The following SDC2 variants were observed in gnomAD, a reference collection of about 807,000 sequenced individuals.
SDC2 encodes the protein syndecan 2.
Under a neutral mutation model 22.2 loss-of-function variants are expected in SDC2, and 13 were observed. That is an observed-to-expected ratio of 0.59 (90% CI 0.38 to 0.93). SDC2 has a LOEUF of 0.93. SDC2 is among the 40% of genes least tolerant of loss of function. The probability of loss-of-function intolerance (pLI) is 0.00; values close to 1 mark genes in which losing one functional copy is unlikely to be tolerated. For synonymous variants in SDC2, 94 were observed against 92.8 expected (o/e 1.01, Z -0.07); for missense variants, 235 against 246.8 (o/e 0.95, Z 0.32).
At chr8:96,516,851 C>A (rs2130450652) in intron 1 of SDC2, among the ~76,000 whole-genome samples, 1 of 152,272 alleles carries the variant, frequency 6.6e-6, no homozygotes, top group Non-Finnish European at 1.5e-5. Flanking sequence ...TGGGTTGTTT[C>A]AACCTTTTGG....
intron 3 of SDC2, among the ~76,000 whole-genome samples, chr8:96,605,865 T>C (rs974714213): frequency 4.6e-5 from 7 of 152,142 alleles, no homozygotes; most frequent in Non-Finnish European, 7.4e-5. Flanking sequence ...GGCCTTAAGG[T>C]GCAGAAAAGA....
rs146117969 is a variant in SDC2, at chr8:96,581,761, C to G, written c.61-11719C>G. ...GCAGCACGGGAGTGGATTAGGTTAC[C>G]TTTTGGATTTTTGAGGGCTTTGGCC... On this transcript the variant is annotated intron_variant, in intron 1 of 4. Transcript: ENST00000302190. Among the ~76,000 whole-genome samples the G allele has an allele frequency of 9.1e-4, 139 of 152,166 alleles. No individual in the cohort carries two copies. The Middle Eastern group carries it at 0.014, about 15-fold the overall frequency.
chr8:96,607,874 A>T (rs1198621760), intron 3 of SDC2, among the ~76,000 whole-genome samples: 5 of 152,238 alleles, frequency 3.3e-5, no homozygotes, highest in African/African-American at 1.2e-4. Context: ...CAGAGTGGGG[A>T]CAGGAAAAGC....
At chr8:96,608,032 G>A (rs752458282) in intron 3 of SDC2, among the ~76,000 whole-genome samples, 4 of 152,142 alleles carry the variant, frequency 2.6e-5, no homozygotes, top group Non-Finnish European at 5.9e-5. Flanking sequence ...GAAGAGTGGT[G>A]AGAAAGTAGA....
rs1814578084 is a variant in SDC2 at position 96,580,868 on chromosome 8, GATTTTTATAAAATAGTGTTGA to G, written c.61-12607_61-12587del. Among the ~76,000 whole-genome samples the G allele has an allele frequency of 2.0e-5, 3 of 152,266 alleles. No individual in the cohort carries two copies. The South Asian group carries it at 6.2e-4, about 32-fold the overall frequency. On this transcript the variant is annotated intron_variant, in intron 1 of 4. Transcript: ENST00000302190. ...AATTGAATATCCTAGAGAGTATGGG[GATTTTTATAAAATAGTGTTGA>G]ATTTAGCATCACTTTTCATTTAGCA...
At chr8:96,553,378 C>A (rs892033317) in intron 1 of SDC2, among the ~76,000 whole-genome samples, 3 of 151,436 alleles carry the variant, frequency 2.0e-5, no homozygotes, top group Non-Finnish European at 2.9e-5. Context: ...TTTGAAGATA[C>A]CTACAGCATA....
intron 1 of SDC2, among the ~76,000 whole-genome samples, chr8:96,501,299 T>C (rs981982974): frequency 1.2e-4 from 15 of 124,330 alleles, no homozygotes; most frequent in African/African-American, 3.9e-4. Context: ...GTATTTCTTT[T>C]TTTTTTTTTT....
Position 96,593,558 on chromosome 8 carries a change from G to A in SDC2, c.139G>A (p.Asp47Asn). 2 of 1,613,840 alleles carry A rather than the reference G, an allele frequency of 1.2e-6. No individual in the cohort carries two copies. Among genetic ancestry groups the A allele is most frequent in the Non-Finnish European group, 1.7e-6 (2 of 1,179,732 alleles). ...IEEASGVYPI[D>N]DDDYASASGS... ...AGAAGCTTCAGGAGTGTATCCTATT[G>A]ATGACGATGACTACGCTTCTGCGTC... The change falls in exon 2 of 5, where the codon GAT (aspartate) becomes AAT (asparagine). Residue 47 changes from aspartate (D) to asparagine (N), a missense_variant. Asp to Asn is a conservative substitution (Grantham distance 23). Coordinates refer to ENST00000302190, the MANE Select transcript of SDC2 (RefSeq NM_002998.4).
chr8:96,607,277 C>T (rs1815097314), intron 3 of SDC2, among the ~76,000 whole-genome samples: 1 of 152,174 alleles, frequency 6.6e-6, no homozygotes, highest in Non-Finnish European at 1.5e-5. Context: ...AGCTACCCAA[C>T]ACCTGCAGTT....
At chr8:96,607,828 G>T (rs1236984205) in intron 3 of SDC2, among the ~76,000 whole-genome samples, 2 of 152,178 alleles carry the variant, frequency 1.3e-5, no homozygotes, top group Admixed American at 6.5e-5. Flanking sequence ...TAACTAGGGG[G>T]AAGCATTAGG....
chr8:96,539,317 T>C (rs1813808048), intron 1 of SDC2, among the ~76,000 whole-genome samples: 1 of 152,212 alleles, frequency 6.6e-6, no homozygotes, highest in African/African-American at 2.4e-5. Flanking sequence ...TATAAAATTA[T>C]TTTCTTCAAA....
At chr8:96,546,916 A>AT (rs747782651) in intron 1 of SDC2, among the ~76,000 whole-genome samples, 1 of 152,228 alleles carries the variant, frequency 6.6e-6, no homozygotes, top group Non-Finnish European at 1.5e-5. Flanking sequence ...TTTTGTCTGA[A>AT]TTTCCATGTA....
chr8:96,596,684 G>C (rs932807617), intron 2 of SDC2, among the ~76,000 whole-genome samples: 1 of 152,222 alleles, frequency 6.6e-6, no homozygotes, highest in Non-Finnish European at 1.5e-5. Flanking sequence ...TAGACCTTTG[G>C]TTAAAGATGG....
At position 96,493,979 on chromosome 8, in the gene SDC2, GA is replaced by G. The variant is rs1813003272; in HGVS notation, c.-291del. Reference sequence around the variant, plus strand: ...GAGGAGCAAAACCACAGCAGAGCAAGAAGAGCTTCAGAGAGCAGCCTTCCCG... The same window carrying G: ...GAGGAGCAAAACCACAGCAGAGCAAGAGAGCTTCAGAGAGCAGCCTTCCCG... On this transcript the variant is annotated 5_prime_UTR_variant, in exon 1 of 5. Transcript: ENST00000302190. The G allele has an allele frequency of 2.1e-6, 1 of 484,300 alleles. No homozygotes were observed. Among genetic ancestry groups the G allele is most frequent in the Non-Finnish European group, 3.6e-6 (1 of 277,596 alleles). 30.0% of individuals were successfully genotyped at this position (484,300 alleles called of 1,614,324 possible). A position where few individuals can be genotyped will look rare whatever the true frequency, so the allele number is the denominator to read the frequency against.
At chr8:96,563,475 T>C (rs1814245849) in intron 1 of SDC2, among the ~76,000 whole-genome samples, 1 of 152,196 alleles carries the variant, frequency 6.6e-6, no homozygotes, top group Admixed American at 6.5e-5. Context: ...TTTTCCACTT[T>C]TATGTCTTTG....
intron 1 of SDC2, among the ~76,000 whole-genome samples, chr8:96,520,609 A>T (rs1813481820): frequency 1.3e-5 from 2 of 152,210 alleles, no homozygotes; most frequent in Admixed American, 1.3e-4. Flanking sequence ...CAAAACAGAG[A>T]AACCCATTGG....
chr8:96,517,221 T>C (rs1301824226), intron 1 of SDC2, among the ~76,000 whole-genome samples: 1 of 152,224 alleles, frequency 6.6e-6, no homozygotes, highest in African/African-American at 2.4e-5. Flanking sequence ...GTTTTTGTGT[T>C]CTTAGCCATT....
chr8:96,540,070 A>AAACTGTAGTGTTTCAAG lies in SDC2; in HGVS notation c.60+45741_60+45742insCTGTAGTGTTTCAAGAA, dbSNP rs371271990. ...CCAGTAAGTTTCAAGAAATAGGAAG[A>AAACTGTAGTGTTTCAAG]AAAATGTAGTGTTCATTACATGAAT... On this transcript the variant is annotated intron_variant, in intron 1 of 4. Coordinates refer to ENST00000302190, the MANE Select transcript of SDC2 (RefSeq NM_002998.4). Among the ~76,000 whole-genome samples, 543 of 152,194 alleles carry AAACTGTAGTGTTTCAAG rather than the reference A, an allele frequency of 3.6e-3. 3 individuals are homozygous for AAACTGTAGTGTTTCAAG. Among genetic ancestry groups the AAACTGTAGTGTTTCAAG allele is most frequent in the Middle Eastern group, 0.027 (8 of 294 alleles).
chr8:96,567,993 G>A (rs187778062), intron 1 of SDC2, among the ~76,000 whole-genome samples: 22 of 152,284 alleles, frequency 1.4e-4, no homozygotes, highest in African/African-American at 5.3e-4. Flanking sequence ...TAGAAGGTCC[G>A]TATTTTCTCC....
Sources: allele counts gnomAD v4.1 joint callset (sites outside exome capture counted in the v4.1 genomes callset), GRCh38; gene constraint gnomAD v4.1.1; transcripts MANE v1.5; gene names NCBI Gene and HGNC (gene_info 2026-07-23, HGNC 2026-07-21).